Variants in PLS1 observed in about 807,000 individuals in gnomAD.
PLS1 encodes the protein plastin-1.
A neutral mutation model predicts 73.7 loss-of-function variants in PLS1; 32 were observed. That is an observed-to-expected ratio of 0.43 (90% CI 0.33 to 0.58). The LOEUF is 0.58. Among genes scored for constraint, PLS1 ranks in the 20% least tolerant of loss-of-function variants. PLS1 has a pLI of 0.04. For synonymous variants in PLS1, 217 were observed against 261.3 expected, an observed-to-expected ratio of 0.83 and a Z score of 1.63; for missense variants, 633 against 740.5, an observed-to-expected ratio of 0.85 and a Z score of 1.68.
chr3:142,651,609 G>A lies in PLS1; in HGVS notation c.-36-12593G>A, dbSNP rs533962904. ...TTTGAGTAGCTGGGACTCCAGGCAC[G>A]TGCCACTGTGCCCAGCTGATGGGAG... On this transcript the variant is annotated intron_variant, in intron 1 of 15. Coordinates refer to ENST00000457734, the MANE Select transcript of PLS1 (RefSeq NM_001145319.2). 5.3e-5 allele frequency among the ~76,000 whole-genome samples: 8 copies of A among 152,126 alleles called. No homozygotes were observed. In the South Asian group the frequency reaches 1.2e-3, roughly 24 times the overall value.
rs113984897 is a variant in PLS1, at chr3:142,705,858, A to AC, written c.1629+1279dup. ...CTGAGTCCTAGTTCAATTGATTTCC[A>AC]CCCCCCCTTTTCTATCTTGGAAGAA... On this transcript the variant is annotated intron_variant, in intron 14 of 15. Coordinates refer to ENST00000457734, the MANE Select transcript of PLS1 (RefSeq NM_001145319.2). Among the ~76,000 whole-genome samples, 45 of 151,194 alleles carry AC rather than the reference A, an allele frequency of 3.0e-4. No individual in the cohort carries two copies. The East Asian group carries it at 5.8e-3, about 20-fold the overall frequency.
intron 10 of PLS1, among the ~76,000 whole-genome samples, chr3:142,692,356 T>C (rs1047975181): frequency 2.6e-5 from 4 of 152,146 alleles, no homozygotes; most frequent in Non-Finnish European, 4.4e-5. Flanking sequence ...TGAAATTGTA[T>C]ATCAGATCTA....
chr3:142,647,311 T>G (rs895509683), intron 1 of PLS1, among the ~76,000 whole-genome samples: 1 of 152,196 alleles, frequency 6.6e-6, no homozygotes, highest in Non-Finnish European at 1.5e-5. Context: ...TTTAGGATAA[T>G]GGTGTATCAT....
rs2036556540 is a variant in PLS1 at position 142,631,334 on chromosome 3, T to G, written c.-36-32868T>G. On this transcript the variant is annotated intron_variant, in intron 1 of 15. Coordinates refer to ENST00000457734, the MANE Select transcript of PLS1 (RefSeq NM_001145319.2). ...TTGGAGATCAGTCTGGCCAACATGG[T>G]GAAACCCCGTTTCTACTAAAAATAC... Among the ~76,000 whole-genome samples the G allele has an allele frequency of 2.6e-5, 4 of 151,974 alleles. No individual in the cohort carries two copies. In the South Asian group the frequency reaches 8.3e-4, roughly 32 times the overall value.
intron 1 of PLS1, among the ~76,000 whole-genome samples, chr3:142,607,343 G>T (rs971775876): frequency 6.6e-6 from 1 of 152,146 alleles, no homozygotes; most frequent in Non-Finnish European, 1.5e-5. Context: ...GCAGTGGTGC[G>T]ATCTCGGCTC....
rs1018719779 is a variant in PLS1 at position 142,684,203 on chromosome 3, G to C, written c.745+32G>C. On this transcript the variant is annotated intron_variant, in intron 7 of 15. Transcript: ENST00000457734. ...TCATTAGAAATATTTGCTGTTCATTGACATGTACTTGCTATGGGAAGAATT... is the reference window on the plus strand; with the variant it reads ...TCATTAGAAATATTTGCTGTTCATTCACATGTACTTGCTATGGGAAGAATT... The C allele has an allele frequency of 2.5e-6, 4 of 1,613,586 alleles. No individual in the cohort carries two copies. In the African/African-American group the frequency reaches 5.3e-5, roughly 22 times the overall value.
At chr3:142,699,841 G>A (rs2038289681) in intron 12 of PLS1, among the ~76,000 whole-genome samples, 1 of 152,120 alleles carries the variant, frequency 6.6e-6, no homozygotes, top group Admixed American at 6.5e-5. Flanking sequence ...TAAATGGGTG[G>A]TATAATTATA....
chr3:142,683,159 G>A (rs1016025533), intron 6 of PLS1, among the ~76,000 whole-genome samples: 1 of 152,218 alleles, frequency 6.6e-6, no homozygotes, highest in African/African-American at 2.4e-5. Context: ...CCATTAAATT[G>A]TCGCTATTAC....
intron 1 of PLS1, among the ~76,000 whole-genome samples, chr3:142,630,334 T>C (rs1372692061): frequency 6.7e-6 from 1 of 149,532 alleles, no homozygotes; most frequent in Non-Finnish European, 1.5e-5. Context: ...GGCGGGAGGA[T>C]TGCTTGAGCC....
At chr3:142,600,877 CATATATATATATAT>C (rs1185547517) in intron 1 of PLS1, among the ~76,000 whole-genome samples, 885 of 23,506 alleles carry the variant, frequency 0.038, 42 homozygotes, top group Middle Eastern at 0.077. Context: ...GGCCTGGTTT[CATATATATATATAT>C]ATATATATAT....
At chr3:142,656,408 C>T (rs1001809168) in intron 1 of PLS1, 4 of 152,326 alleles carry the variant, frequency 2.6e-5, no homozygotes, top group Non-Finnish European at 4.4e-5. Flanking sequence ...GTCCAAAGGA[C>T]AGTCAAGGCT....
chr3:142,622,974 G>T (rs2036344506), intron 1 of PLS1, among the ~76,000 whole-genome samples: 1 of 151,964 alleles, frequency 6.6e-6, no homozygotes, highest in Non-Finnish European at 1.5e-5. Flanking sequence ...AAGAGATAGG[G>T]TCTTGCTGTA....
intron 4 of PLS1, among the ~76,000 whole-genome samples, chr3:142,673,276 G>A (rs922622717): frequency 2.0e-5 from 3 of 152,036 alleles, no homozygotes; most frequent in Admixed American, 6.6e-5. Context: ...TGAACTCCTG[G>A]GTTCGAGCGA....
chr3:142,670,482 T>A (rs567566377), intron 3 of PLS1, among the ~76,000 whole-genome samples: 16 of 151,626 alleles, frequency 1.1e-4, no homozygotes, highest in South Asian at 2.1e-4. Flanking sequence ...GATTTGCATT[T>A]AAAAAAAAAC....
intron 1 of PLS1, among the ~76,000 whole-genome samples, chr3:142,630,201 C>T (rs2036524022): frequency 6.6e-6 from 1 of 151,888 alleles, no homozygotes; most frequent in Non-Finnish European, 1.5e-5. Context: ...GCAGGTAGAT[C>T]ACTTGAGGCC....
chr3:142,660,380 T>TA (rs1242054312), intron 1 of PLS1, among the ~76,000 whole-genome samples: 1 of 152,148 alleles, frequency 6.6e-6, no homozygotes, highest in Non-Finnish European at 1.5e-5. Flanking sequence ...CCGTCCTAAG[T>TA]AAAAAATATA....
Position 142,712,674 on chromosome 3 carries a change from C to G in PLS1, c.*667C>G, listed in dbSNP as rs527486477. 2.0e-5 allele frequency: 3 copies of G among 152,522 alleles called. No individual in the cohort carries two copies. The East Asian group carries it at 5.8e-4, about 29-fold the overall frequency. The allele number at this position is 152,522 out of a possible 1,614,324, so 9.4% of individuals were successfully genotyped here. A position where few individuals can be genotyped will look rare whatever the true frequency, so the allele number is the denominator to read the frequency against. On this transcript the variant is annotated 3_prime_UTR_variant, in exon 16 of 16. Transcript: ENST00000457734. Reference sequence around the variant, plus strand: ...TCCTAGTTTGGTAACACAGCTTTAACTATGTCATGCAACATATATATGTTG... The same window carrying G: ...TCCTAGTTTGGTAACACAGCTTTAAGTATGTCATGCAACATATATATGTTG...
At chr3:142,596,712 G>A (rs2035822525) in intron 1 of PLS1, among the ~76,000 whole-genome samples, 1 of 152,222 alleles carries the variant, frequency 6.6e-6, no homozygotes, top group South Asian at 2.1e-4. Context: ...AGTGCCCGCA[G>A]GTGTTAAATC....
At position 142,703,823 on chromosome 3, in the gene PLS1, T is replaced by G. The variant is rs535115629; in HGVS notation, c.1372-45T>G. The G allele has an allele frequency of 2.9e-6, 4 of 1,373,190 alleles. No homozygotes were observed. In the Admixed American group the frequency reaches 5.2e-5, roughly 18 times the overall value. The allele number at this position is 1,373,190 out of a possible 1,614,324, so 85.1% of individuals were successfully genotyped here. A position where few individuals can be genotyped will look rare whatever the true frequency, so the allele number is the denominator to read the frequency against. On this transcript the variant is annotated intron_variant, in intron 12 of 15. Coordinates refer to ENST00000457734, the MANE Select transcript of PLS1 (RefSeq NM_001145319.2). ...ACTAGGCTGGCCTATTCTGGAGATA[T>G]GTTTTTAAAAATCTTTTTATACCCA...
Sources: gnomAD v4.1 joint callset for allele counts (sites outside exome capture counted in the v4.1 genomes callset) on GRCh38, gnomAD v4.1.1 for gene constraint, MANE v1.5 for transcripts, NCBI Gene and HGNC (gene_info 2026-07-23, HGNC 2026-07-21) for gene names.